Variants in NOL4 observed in about 807,000 individuals in gnomAD.
NOL4 encodes the protein cancer/testis antigen 125.
NOL4 carries 17 observed loss-of-function variants against 75.9 expected under a neutral mutation model. That is an observed-to-expected ratio of 0.22 (90% CI 0.15 to 0.34). NOL4 has a LOEUF of 0.34. NOL4 is among the 10% of genes least tolerant of loss of function. The pLI is 1.00. For synonymous variants in NOL4, 292 were observed against 289.9 expected (o/e 1.01, Z -0.07); for missense variants, 614 against 793.5 (o/e 0.77, Z 2.72).
chr18:34,054,593 C>T (rs12456645), intron 5 of NOL4, among the ~76,000 whole-genome samples: 5,439 of 151,892 alleles, frequency 0.036, 169 homozygotes, highest in South Asian at 0.095. Context: ...TATGTGTATC[C>T]TTAACATCTA....
intron 6 of NOL4, among the ~76,000 whole-genome samples, chr18:34,010,817 T>A (rs1568211317): frequency 6.6e-6 from 1 of 151,894 alleles, no homozygotes; most frequent in Admixed American, 6.6e-5. Context: ...AGGTTGAGCA[T>A]TTTTTCATAT....
At chr18:34,064,388 G>A (rs537527100) in intron 5 of NOL4, among the ~76,000 whole-genome samples, 5 of 151,944 alleles carry the variant, frequency 3.3e-5, no homozygotes, top group Non-Finnish European at 7.4e-5. Flanking sequence ...CAGCCTCAGA[G>A]CACATGTCCT....
rs553241955 is a variant in NOL4, at chr18:33,926,125, C to A, written c.1542+16940G>T. Among the ~76,000 whole-genome samples the A allele has an allele frequency of 4.6e-5, 7 of 151,926 alleles. No individual in the cohort carries two copies. The East Asian group carries it at 1.4e-3, about 29-fold the overall frequency. On this transcript the variant is annotated intron_variant, in intron 9 of 10. Coordinates refer to ENST00000261592, the MANE Select transcript of NOL4 (RefSeq NM_003787.5). ...GCCTGTAATCCCAGCACTCTGGGAGCCCGAGGTGGGCAGATCACAAGGTCA... is the reference window on the plus strand; with the variant it reads ...GCCTGTAATCCCAGCACTCTGGGAGACCGAGGTGGGCAGATCACAAGGTCA...
At chr18:34,072,593 G>A (rs1399432222) in intron 5 of NOL4, among the ~76,000 whole-genome samples, 1 of 152,132 alleles carries the variant, frequency 6.6e-6, no homozygotes, top group African/African-American at 2.4e-5. Flanking sequence ...TATCAATCAA[G>A]TTGACTTAGT....
chr18:33,978,795 A>G (rs147058369), intron 6 of NOL4, among the ~76,000 whole-genome samples: 39 of 151,848 alleles, frequency 2.6e-4, no homozygotes, highest in Non-Finnish European at 5.0e-4. Flanking sequence ...CTATTTAAAT[A>G]ATTATTATAT....
At chr18:34,153,985 G>C (rs1185108967) in intron 1 of NOL4, among the ~76,000 whole-genome samples, 1 of 152,102 alleles carries the variant, frequency 6.6e-6, no homozygotes, top group South Asian at 2.1e-4. Context: ...GTAGAGCTGA[G>C]GCAGGCTAGA....
chr18:33,869,113 C>T (rs2063571763), intron 10 of NOL4, among the ~76,000 whole-genome samples: 2 of 151,492 alleles, frequency 1.3e-5, no homozygotes, highest in African/African-American at 2.4e-5. Flanking sequence ...TATTTTAAGT[C>T]CCTCAAATTT....
At chr18:34,121,539 A>G (rs1477534500) in intron 2 of NOL4, among the ~76,000 whole-genome samples, 14 of 152,332 alleles carry the variant, frequency 9.2e-5, no homozygotes, top group Non-Finnish European at 2.9e-5. Context: ...GAGACAGAGA[A>G]AGACGGCGAA....
At chr18:33,868,102 A>C (rs544581924) in intron 10 of NOL4, among the ~76,000 whole-genome samples, 1 of 151,056 alleles carries the variant, frequency 6.6e-6, no homozygotes, top group African/African-American at 2.4e-5. Context: ...GAGTGACATG[A>C]TCATGACTCA....
chr18:34,065,237 C>G (rs905201947), intron 5 of NOL4, among the ~76,000 whole-genome samples: 2 of 151,852 alleles, frequency 1.3e-5, no homozygotes, highest in Non-Finnish European at 2.9e-5. Context: ...TCTCAAGGAT[C>G]CCCAATCATC....
intron 6 of NOL4, among the ~76,000 whole-genome samples, chr18:33,991,845 C>T (rs1359862952): frequency 6.6e-6 from 1 of 151,992 alleles, no homozygotes; most frequent in Non-Finnish European, 1.5e-5. Flanking sequence ...ACCTTTCTAT[C>T]GAACAGTGTT....
At chr18:34,108,937 T>A (rs1202427383) in intron 2 of NOL4, among the ~76,000 whole-genome samples, 1 of 152,172 alleles carries the variant, frequency 6.6e-6, no homozygotes, top group Non-Finnish European at 1.5e-5. Context: ...ATAGATCATA[T>A]GTTAGGCCAC....
At chr18:34,020,256 C>T (rs1055685620) in intron 5 of NOL4, among the ~76,000 whole-genome samples, 2 of 151,794 alleles carry the variant, frequency 1.3e-5, no homozygotes, top group Admixed American at 6.6e-5. Context: ...ATTGAGAGAA[C>T]AGTTCAATCT....
chr18:34,219,692 T>C (rs1306347086), intron 1 of NOL4, among the ~76,000 whole-genome samples: 1 of 152,256 alleles, frequency 6.6e-6, no homozygotes, highest in Non-Finnish European at 1.5e-5. Flanking sequence ...TCATTCATCA[T>C]TTCATTCTTC....
chr18:33,887,894 C>T (rs1459337525), intron 9 of NOL4, among the ~76,000 whole-genome samples: 1 of 152,094 alleles, frequency 6.6e-6, no homozygotes, highest in African/African-American at 2.4e-5. Flanking sequence ...GTGCATGTGT[C>T]TTTATAGCAG....
chr18:33,866,689 G>C (rs1167681006), intron 10 of NOL4, among the ~76,000 whole-genome samples: 1 of 152,104 alleles, frequency 6.6e-6, no homozygotes, highest in Non-Finnish European at 1.5e-5. Context: ...AGCAGTTTTA[G>C]AAATTTGTAA....
chr18:34,119,171 A>G (rs1478490069), intron 2 of NOL4, among the ~76,000 whole-genome samples: 1 of 152,246 alleles, frequency 6.6e-6, no homozygotes, highest in African/African-American at 2.4e-5. Context: ...TGGCCTGCCT[A>G]AACAAATTTG....
At chr18:34,091,854 T>C (rs1201891414) in intron 5 of NOL4, among the ~76,000 whole-genome samples, 1 of 152,116 alleles carries the variant, frequency 6.6e-6, no homozygotes, top group East Asian at 1.9e-4. Context: ...ATCATCAATA[T>C]ATCATGAGAA....
intron 5 of NOL4, among the ~76,000 whole-genome samples, chr18:34,039,102 T>C (rs1315575810): frequency 6.6e-6 from 1 of 152,050 alleles, no homozygotes; most frequent in African/African-American, 2.4e-5. Flanking sequence ...CTCAGCTATA[T>C]ATTATAGTTA....
Sources: allele counts gnomAD v4.1 joint callset (sites outside exome capture counted in the v4.1 genomes callset), GRCh38; gene constraint gnomAD v4.1.1; transcripts MANE v1.5; gene names NCBI Gene and HGNC (gene_info 2026-07-23, HGNC 2026-07-21).